KAZN: variants seen among roughly 807,000 people sequenced by gnomAD.
KAZN encodes the protein kazrin, periplakin interacting protein, also known as kazrin.
Under a neutral mutation model 87.4 loss-of-function variants are expected in KAZN, and 40 were observed. The ratio of observed to expected loss-of-function variants is 0.46; its 90% CI spans 0.36 to 0.60. The LOEUF is 0.60. KAZN is among the 20% of genes least tolerant of loss of function. KAZN has a pLI of 0.00. For synonymous variants in KAZN, 466 were observed against 458.3 expected, an observed-to-expected ratio of 1.02 and a Z score of -0.22; for missense variants, 898 against 1,073.9, an observed-to-expected ratio of 0.84 and a Z score of 2.29.
intron 2 of KAZN, among the ~76,000 whole-genome samples, chr1:14,970,930 C>T (rs1301290454): frequency 1.3e-5 from 2 of 152,186 alleles, no homozygotes; most frequent in East Asian, 3.8e-4. Context: ...ACACACACTG[C>T]ATCACTTTGG....
At chr1:13,938,609 C>T (rs1378574438) in intron 1 of KAZN, among the ~76,000 whole-genome samples, 1 of 152,200 alleles carries the variant, frequency 6.6e-6, no homozygotes, top group Non-Finnish European at 1.5e-5. Context: ...GTGGAACCCT[C>T]ACAGATAATC....
chr1:14,235,656 T>G lies in KAZN; in HGVS notation c.249+55064T>G, dbSNP rs540864868. Among the ~76,000 whole-genome samples, 13 of 152,336 alleles carry G rather than the reference T, an allele frequency of 8.5e-5. No individual in the cohort carries two copies. The South Asian group carries it at 2.7e-3, about 32-fold the overall frequency. ...AGTTGTAAAAAATAGAAAAATGTTTTATGCATAAAGATGACATAGTGACAT... is the reference window on the plus strand; with the variant it reads ...AGTTGTAAAAAATAGAAAAATGTTTGATGCATAAAGATGACATAGTGACAT... On this transcript the variant is annotated intron_variant, in intron 2 of 16. Transcript: ENST00000636203.
chr1:14,150,754 G>A (rs1378488642), intron 1 of KAZN, among the ~76,000 whole-genome samples: 2 of 152,138 alleles, frequency 1.3e-5, no homozygotes, highest in Non-Finnish European at 2.9e-5. Flanking sequence ...CTCACTTGGA[G>A]ATAACCAAAA....
chr1:14,371,029 A>G (rs1003540306), intron 2 of KAZN, among the ~76,000 whole-genome samples: 6 of 152,174 alleles, frequency 3.9e-5, no homozygotes, highest in African/African-American at 1.4e-4. Flanking sequence ...CTATTGAACC[A>G]GGGGTAGGTG....
chr1:14,105,661 A>G (rs1423334006), intron 1 of KAZN, among the ~76,000 whole-genome samples: 1 of 152,212 alleles, frequency 6.6e-6, no homozygotes, highest in Non-Finnish European at 1.5e-5. Flanking sequence ...CTGGTCCATG[A>G]TCATCAACAA....
intron 2 of KAZN, among the ~76,000 whole-genome samples, chr1:14,344,885 A>C (rs2486321): frequency 0.082 from 12,464 of 151,852 alleles, 594 homozygotes; most frequent in East Asian, 0.17. Context: ...TCAGGGACTC[A>C]ACACAAACAC....
chr1:14,569,302 C>T (rs960836472), intron 2 of KAZN, among the ~76,000 whole-genome samples: 9 of 149,158 alleles, frequency 6.0e-5, no homozygotes, highest in African/African-American at 2.2e-4. Context: ...ACCTCCTCTA[C>T]CTCCTCTACT....
chr1:14,254,815 A>G (rs758538620), intron 2 of KAZN, among the ~76,000 whole-genome samples: 37 of 152,146 alleles, frequency 2.4e-4, no homozygotes, highest in Admixed American at 5.9e-4. Context: ...GCTTACAAGC[A>G]TGGCAGAAGT....
intron 1 of KAZN, among the ~76,000 whole-genome samples, chr1:13,937,964 G>A (rs1028270177): frequency 3.3e-5 from 5 of 152,100 alleles, no homozygotes; most frequent in Admixed American, 6.5e-5. Flanking sequence ...ATAATGTGAT[G>A]TCTCCAGTTT....
chr1:13,899,644 C>CT (rs35127542), intron 1 of KAZN, among the ~76,000 whole-genome samples: 48,116 of 136,674 alleles, frequency 0.35, 8,535 homozygotes, highest in South Asian at 0.48. Context: ...CTTGGTTGTC[C>CT]TTTTTTTTTT....
intron 1 of KAZN, among the ~76,000 whole-genome samples, chr1:14,684,204 A>G (rs1640831383): frequency 6.6e-6 from 1 of 152,156 alleles, no homozygotes. Context: ...TGTAGACTCC[A>G]GGAATACCAA....
At chr1:14,654,197 A>G (rs10803295) in intron 1 of KAZN, among the ~76,000 whole-genome samples, 41,965 of 151,670 alleles carry the variant, frequency 0.28, 6,098 homozygotes, top group South Asian at 0.36. Context: ...GGAGGCAGAA[A>G]AATCGCTTGA....
intron 1 of KAZN, among the ~76,000 whole-genome samples, chr1:14,888,332 A>C (rs973697931): frequency 2.2e-4 from 34 of 151,412 alleles, no homozygotes; most frequent in Non-Finnish European, 4.6e-4. Flanking sequence ...GGGTGTCCCC[A>C]CTCCTTCCAG....
chr1:14,505,399 CAT>C (rs1402411968), intron 2 of KAZN, among the ~76,000 whole-genome samples: 1 of 152,192 alleles, frequency 6.6e-6, no homozygotes, highest in Non-Finnish European at 1.5e-5. Flanking sequence ...CCTTCTGTGA[CAT>C]GTGATATCAT....
At chr1:14,920,729 G>A (rs1658416416) in intron 1 of KAZN, among the ~76,000 whole-genome samples, 1 of 152,094 alleles carries the variant, frequency 6.6e-6, no homozygotes, top group Non-Finnish European at 1.5e-5. Context: ...CTGAGCACGG[G>A]GCCCAGTGTG....
At chr1:14,278,170 CAAAAAAAA>C (rs34057998) in intron 2 of KAZN, among the ~76,000 whole-genome samples, 4 of 55,880 alleles carry the variant, frequency 7.2e-5, no homozygotes, top group South Asian at 6.9e-4. Context: ...AACTCTGTCT[CAAAAAAAA>C]AAAAAAAAAA....
rs1338776154 is a variant in KAZN at position 14,681,613 on chromosome 1, GTATATATATATATATATATATATA to G, written c.226+82412_226+82435del. On this transcript the variant is annotated intron_variant, in intron 1 of 14. Coordinates refer to ENST00000376030, the MANE Select transcript of KAZN (RefSeq NM_201628.3). The stretch of plus-strand genomic sequence containing the variant: ...TTTAACTATATATATATGTATATGT[GTATATATATATATATATATATATA>G]TATATATATATATATATATATTTTT... Among the ~76,000 whole-genome samples, 130 of 29,102 alleles carry G rather than the reference GTATATATATATATATATATATATA, an allele frequency of 4.5e-3. 2 individuals are homozygous for G. The highest frequency in any genetic ancestry group is 0.013 in the East Asian group (13 of 980). The allele number at this position is 29,102 out of a possible 152,430, so 19.1% of individuals were successfully genotyped here.
chr1:14,687,735 G>A (rs1300573503), intron 1 of KAZN, among the ~76,000 whole-genome samples: 1 of 152,178 alleles, frequency 6.6e-6, no homozygotes, highest in Non-Finnish European at 1.5e-5. Context: ...GGGAAGCAGG[G>A]GACTCGGATG....
At chr1:14,082,229 C>G (rs3817951) in intron 1 of KAZN, among the ~76,000 whole-genome samples, 15,143 of 152,188 alleles carry the variant, frequency 0.1, 930 homozygotes, top group East Asian at 0.13. Flanking sequence ...TGAGGACTGC[C>G]TTTTATATAC....
Sources: allele counts gnomAD v4.1 joint callset (sites outside exome capture counted in the v4.1 genomes callset), GRCh38; gene constraint gnomAD v4.1.1; transcripts MANE v1.5; gene names NCBI Gene and HGNC (gene_info 2026-07-23, HGNC 2026-07-21).